SLC30A8: variants seen among roughly 807,000 people sequenced by gnomAD.
The protein encoded by SLC30A8 is solute carrier family 30 member 8.
Under a neutral mutation model 36.9 loss-of-function variants are expected in SLC30A8, and 27 were observed. That is an observed-to-expected ratio of 0.73 (90% CI 0.54 to 1.01). The LOEUF (loss-of-function observed/expected upper bound fraction) is 1.01. Among genes scored for constraint, SLC30A8 ranks in the 50% least tolerant of loss-of-function variants. The probability of loss-of-function intolerance (pLI) is 0.00; values close to 1 mark genes in which losing one functional copy is unlikely to be tolerated. For missense variants in SLC30A8, 439 were observed against 452.0 expected, an observed-to-expected ratio of 0.97 and a Z score of 0.26; for synonymous variants, 164 against 172.4, an observed-to-expected ratio of 0.95 and a Z score of 0.38.
intron 1 of SLC30A8, among the ~76,000 whole-genome samples, chr8:116,956,001 C>G (rs1195802680): frequency 6.6e-6 from 1 of 152,152 alleles, no homozygotes; most frequent in Non-Finnish European, 1.5e-5. Flanking sequence ...ATTACCAAAA[C>G]TCAGAAAGAT....
At chr8:117,020,657 A>G (rs1053583957) in intron 1 of SLC30A8, among the ~76,000 whole-genome samples, 1 of 106,464 alleles carries the variant, frequency 9.4e-6, no homozygotes, top group Admixed American at 8.5e-5. Context: ...TGGTACATCT[A>G]TATAAAATTG....
At chr8:117,070,005 T>C (rs1818281508) in intron 2 of SLC30A8, among the ~76,000 whole-genome samples, 1 of 152,234 alleles carries the variant, frequency 6.6e-6, no homozygotes, top group Non-Finnish European at 1.5e-5. Context: ...TGTGACTCTT[T>C]CACATTCAAA....
At chr8:117,159,668 T>G (rs1161443855) in intron 4 of SLC30A8, among the ~76,000 whole-genome samples, 1 of 152,208 alleles carries the variant, frequency 6.6e-6, no homozygotes, top group Non-Finnish European at 1.5e-5. Context: ...GAGACAAATA[T>G]GCCAGAGCAC....
intron 2 of SLC30A8, among the ~76,000 whole-genome samples, chr8:117,128,733 CATAA>C: frequency 6.6e-6 from 1 of 152,090 alleles, no homozygotes; most frequent in South Asian, 2.1e-4. Context: ...CAATCCTTAG[CATAA>C]ATAGTGTACA....
chr8:117,042,754 C>G (rs1170139329), intron 2 of SLC30A8, among the ~76,000 whole-genome samples: 1 of 152,064 alleles, frequency 6.6e-6, no homozygotes, highest in Non-Finnish European at 1.5e-5. Context: ...TGGATCACTG[C>G]AACCTCCGCC....
intron 2 of SLC30A8, among the ~76,000 whole-genome samples, chr8:117,120,961 A>G (rs1359978346): frequency 6.6e-6 from 1 of 151,862 alleles, no homozygotes; most frequent in East Asian, 1.9e-4. Flanking sequence ...TAGGATGGCC[A>G]TCAAAAACAA....
At chr8:117,000,153 C>T (rs571103539) in intron 1 of SLC30A8, among the ~76,000 whole-genome samples, 2 of 152,264 alleles carry the variant, frequency 1.3e-5, no homozygotes, top group Non-Finnish European at 1.5e-5. Context: ...GCAATGTTAG[C>T]CATGTCTTAT....
intron 2 of SLC30A8, among the ~76,000 whole-genome samples, chr8:117,113,400 T>G (rs1820314767): frequency 6.6e-6 from 1 of 152,136 alleles, no homozygotes; most frequent in African/African-American, 2.4e-5. Context: ...GAGATAATAT[T>G]ATTTGCCCTT....
intron 1 of SLC30A8, among the ~76,000 whole-genome samples, chr8:116,999,571 A>G (rs943267730): frequency 6.6e-6 from 1 of 152,258 alleles, no homozygotes; most frequent in African/African-American, 2.4e-5. Context: ...GAAAACTAGC[A>G]TTAAGAAAAA....
chr8:117,009,038 C>G (rs897998521), intron 1 of SLC30A8, among the ~76,000 whole-genome samples: 2 of 152,088 alleles, frequency 1.3e-5, no homozygotes, highest in African/African-American at 4.8e-5. Context: ...GTAAAGTATC[C>G]TGAACAAATA....
intron 1 of SLC30A8, among the ~76,000 whole-genome samples, chr8:117,032,317 G>C (rs1817080373): frequency 6.6e-6 from 1 of 152,192 alleles, no homozygotes; most frequent in Admixed American, 6.5e-5. Flanking sequence ...CTGAAAACAG[G>C]AATCATGTTC....
chr8:117,112,264 A>G (rs559191765), intron 2 of SLC30A8, among the ~76,000 whole-genome samples: 8 of 152,250 alleles, frequency 5.3e-5, no homozygotes, highest in African/African-American at 1.9e-4. Context: ...TTCCTGGAAA[A>G]TGTTTTAATG....
chr8:116,954,289 C>T (rs1814108416), intron 1 of SLC30A8, among the ~76,000 whole-genome samples: 1 of 151,968 alleles, frequency 6.6e-6, no homozygotes, highest in South Asian at 2.1e-4. Flanking sequence ...GTCTTTGATA[C>T]ATTTAAGTAG....
At chr8:117,153,299 C>A (rs746076805) in intron 3 of SLC30A8, among the ~76,000 whole-genome samples, 2 of 152,214 alleles carry the variant, frequency 1.3e-5, no homozygotes, top group Non-Finnish European at 2.9e-5. Flanking sequence ...CTCTAGTCCT[C>A]TGGGACAACA....
In SLC30A8 at chr8:117,110,466, G is replaced by C. The variant is rs1453004832; in HGVS notation, c.-225-24814G>C. On this transcript the variant is annotated intron_variant, in intron 2 of 10. Coordinates refer to the SLC30A8 transcript ENST00000427715. ...GGAATGGTGGCCCAGAGAAGTGGAAGGGCAAGATGTCCTCTCAGGGGCGGC... is the reference window on the plus strand; with the variant it reads ...GGAATGGTGGCCCAGAGAAGTGGAACGGCAAGATGTCCTCTCAGGGGCGGC... 2.0e-5 allele frequency among the ~76,000 whole-genome samples: 3 copies of C among 152,192 alleles called. No homozygotes were observed. The East Asian group carries it at 5.8e-4, about 29-fold the overall frequency.
intron 1 of SLC30A8, among the ~76,000 whole-genome samples, chr8:117,143,665 A>ACAC (rs1821762212): frequency 1.4e-5 from 2 of 146,190 alleles, no homozygotes; most frequent in African/African-American, 5.1e-5. Flanking sequence ...TCTCCCATAA[A>ACAC]ACACACACAC....
rs142641237 is a variant in SLC30A8 at position 117,015,463 on chromosome 8, T to C, written c.-265-23756T>C. 3.9e-3 allele frequency among the ~76,000 whole-genome samples: 587 copies of C among 152,184 alleles called. 5 individuals carry two copies. Among genetic ancestry groups the C allele is most frequent in the African/African-American group, 0.013 (539 of 41,504 alleles). On this transcript the variant is annotated intron_variant, in intron 1 of 10. Transcript: ENST00000427715. Reference sequence around the variant, plus strand: ...GAAAAAAATATCTGGTTCATCTTTGTCTTCTTAAAGCTGCATTTCCTAAAG... The same window carrying C: ...GAAAAAAATATCTGGTTCATCTTTGCCTTCTTAAAGCTGCATTTCCTAAAG...
At chr8:117,098,724 T>C (rs1290700399) in intron 2 of SLC30A8, among the ~76,000 whole-genome samples, 1 of 152,094 alleles carries the variant, frequency 6.6e-6, no homozygotes, top group Non-Finnish European at 1.5e-5. Context: ...GCAGGGGAGA[T>C]TGTCCCTCTG....
At chr8:117,096,494 C>G (rs565065809) in intron 2 of SLC30A8, among the ~76,000 whole-genome samples, 31 of 152,054 alleles carry the variant, frequency 2.0e-4, no homozygotes, top group Non-Finnish European at 3.4e-4. Context: ...TTGAATCTGC[C>G]TCTGACTTAA....
Sources: allele counts gnomAD v4.1 joint callset (sites outside exome capture counted in the v4.1 genomes callset), GRCh38; gene constraint gnomAD v4.1.1; transcripts MANE v1.5; gene names NCBI Gene and HGNC (gene_info 2026-07-23, HGNC 2026-07-21).